Variants in NRG3 observed in about 807,000 individuals in gnomAD.
NRG3 encodes the protein pro-neuregulin-3, membrane-bound isoform.
In NRG3, 31 loss-of-function variants were observed where a neutral mutation model predicts 66.9. The ratio of observed to expected loss-of-function variants is 0.46; its 90% CI spans 0.35 to 0.63. The LOEUF (loss-of-function observed/expected upper bound fraction) is 0.63, where lower values mean the gene tolerates loss of function less well. NRG3 is among the 20% of genes least tolerant of loss of function. The pLI, the probability that NRG3 is intolerant of heterozygous loss-of-function variation, is 0.00. For missense variants in NRG3, 910 were observed against 878.9 expected, an observed-to-expected ratio of 1.04 and a Z score of -0.45; for synonymous variants, 393 against 359.4, an observed-to-expected ratio of 1.09 and a Z score of -1.06.
At chr10:81,990,330 A>G (rs539916501) in intron 1 of NRG3, among the ~76,000 whole-genome samples, 4 of 152,326 alleles carry the variant, frequency 2.6e-5, no homozygotes, top group South Asian at 2.1e-4. Context: ...ATTTGAAGAT[A>G]AATCTAAAAG....
chr10:82,263,785 T>G (rs923864604), intron 1 of NRG3, among the ~76,000 whole-genome samples: 7 of 152,198 alleles, frequency 4.6e-5, no homozygotes, highest in African/African-American at 1.7e-4. Context: ...AGCACTAGTA[T>G]TCACAAGCCA....
chr10:81,879,962 T>C (rs1842031964), intron 1 of NRG3, among the ~76,000 whole-genome samples: 1 of 152,192 alleles, frequency 6.6e-6, no homozygotes, highest in African/African-American at 2.4e-5. Flanking sequence ...CAATCATGCA[T>C]GGTAGCCAAA....
chr10:81,973,956 G>A (rs1041761474), intron 1 of NRG3, among the ~76,000 whole-genome samples: 1 of 151,992 alleles, frequency 6.6e-6, no homozygotes, highest in Non-Finnish European at 1.5e-5. Flanking sequence ...AATTGCTTTT[G>A]GCATCTTCCT....
In NRG3 at chr10:82,082,393, A is replaced by T. The variant is rs138185197; in HGVS notation, c.823+206230A>T. ...CATTATTTTCAATTGAGAAAATTAA[A>T]GTCCACTGAGGTGTAGTCAATTGCC... On this transcript the variant is annotated intron_variant, in intron 1 of 8. Transcript: ENST00000372141. Among the ~76,000 whole-genome samples the T allele has an allele frequency of 2.6e-5, 4 of 152,338 alleles. No individual in the cohort carries two copies. In the East Asian group the frequency reaches 7.7e-4, roughly 29 times the overall value.
At chr10:82,857,751 G>A (rs993314988) in intron 3 of NRG3, among the ~76,000 whole-genome samples, 3 of 152,078 alleles carry the variant, frequency 2.0e-5, no homozygotes, top group African/African-American at 7.2e-5. Context: ...TATTTGTGAA[G>A]ATGTATAAAT....
intron 1 of NRG3, among the ~76,000 whole-genome samples, chr10:82,034,816 A>T (rs1179392770): frequency 6.6e-6 from 1 of 151,898 alleles, no homozygotes; most frequent in Non-Finnish European, 1.5e-5. Context: ...GCTCAGTGAG[A>T]GCAGAGGCTC....
rs574679202 is a variant in NRG3, at chr10:82,166,097, A to G, written c.824-192642A>G. Among the ~76,000 whole-genome samples, 109 of 152,166 alleles carry G rather than the reference A, an allele frequency of 7.2e-4. 4 individuals carry two copies. In the South Asian group the frequency reaches 0.021, roughly 29 times the overall value. The stretch of plus-strand genomic sequence containing the variant: ...GAGTGCAACAGCGCGATCTCAGCTC[A>G]CCACAACCTCCGCCTCCCAGGTTCA... On this transcript the variant is annotated intron_variant, in intron 1 of 8. Coordinates refer to ENST00000372141, the MANE Select transcript of NRG3 (RefSeq NM_001010848.4).
rs952964513 is a variant in NRG3, at chr10:82,266,712, C to T, written c.824-92027C>T. Among the ~76,000 whole-genome samples the T allele has an allele frequency of 5.9e-5, 9 of 152,274 alleles. No individual in the cohort carries two copies. In the East Asian group the frequency reaches 1.7e-3, roughly 29 times the overall value. On this transcript the variant is annotated intron_variant, in intron 1 of 8. Transcript: ENST00000372141. ...TTGCAACATCAGATCTTCAGCTGTG[C>T]AGCCAGTCAGCACACAGAAGCTAAG... is the stretch of plus-strand genomic sequence containing the variant.
chr10:82,528,979 T>G (rs1846994099), intron 2 of NRG3, among the ~76,000 whole-genome samples: 1 of 152,196 alleles, frequency 6.6e-6, no homozygotes. Flanking sequence ...GTAATAAAAT[T>G]GTCATTAATA....
intron 2 of NRG3, among the ~76,000 whole-genome samples, chr10:82,555,152 A>G (rs951280382): frequency 6.6e-6 from 1 of 152,200 alleles, no homozygotes; most frequent in Non-Finnish European, 1.5e-5. Flanking sequence ...TACTCATGAG[A>G]ACAAAGATCC....
intron 1 of NRG3, among the ~76,000 whole-genome samples, chr10:82,266,944 G>A (rs2078331202): frequency 6.6e-6 from 1 of 152,110 alleles, no homozygotes; most frequent in South Asian, 2.1e-4. Flanking sequence ...AGAGTCTAGG[G>A]GAGTGATTCC....
At chr10:82,064,305 G>A (rs1384257119) in intron 1 of NRG3, among the ~76,000 whole-genome samples, 1 of 151,920 alleles carries the variant, frequency 6.6e-6, no homozygotes, top group Non-Finnish European at 1.5e-5. Flanking sequence ...GGCTCTCATG[G>A]AGATCCATTT....
chr10:82,199,872 G>A (rs927929113), intron 1 of NRG3, among the ~76,000 whole-genome samples: 2 of 117,236 alleles, frequency 1.7e-5, no homozygotes, highest in African/African-American at 6.5e-5. Context: ...TTGAGAGTGT[G>A]CATGTGTGTG....
At chr10:82,410,994 A>G (rs919928629) in intron 2 of NRG3, among the ~76,000 whole-genome samples, 9 of 152,146 alleles carry the variant, frequency 5.9e-5, no homozygotes, top group African/African-American at 1.9e-4. Flanking sequence ...CTGTATTTCA[A>G]AGAATTTACA....
At chr10:82,470,882 A>G (rs1489576234) in intron 2 of NRG3, among the ~76,000 whole-genome samples, 1 of 152,160 alleles carries the variant, frequency 6.6e-6, no homozygotes, top group Admixed American at 6.6e-5. Context: ...CAGCCTTATC[A>G]GGGACCTCTG....
At chr10:82,818,880 G>A (rs940183160) in intron 3 of NRG3, among the ~76,000 whole-genome samples, 1 of 152,102 alleles carries the variant, frequency 6.6e-6, no homozygotes, top group Non-Finnish European at 1.5e-5. Context: ...ACATTTGATT[G>A]TCCATACAAT....
intron 1 of NRG3, among the ~76,000 whole-genome samples, chr10:81,921,808 G>A (rs1452438427): frequency 6.6e-6 from 1 of 152,026 alleles, no homozygotes; most frequent in East Asian, 1.9e-4. Flanking sequence ...AGACTTATTT[G>A]TTGGAACTCC....
At chr10:82,978,236 T>C (rs1269679675) in intron 7 of NRG3, among the ~76,000 whole-genome samples, 1 of 152,194 alleles carries the variant, frequency 6.6e-6, no homozygotes, top group African/African-American at 2.4e-5. Context: ...ATAATCTATG[T>C]AGGAATTCTC....
At chr10:81,941,870 T>C (rs1444117559) in intron 1 of NRG3, among the ~76,000 whole-genome samples, 1 of 152,134 alleles carries the variant, frequency 6.6e-6, no homozygotes, top group African/African-American at 2.4e-5. Flanking sequence ...TTTTTACATA[T>C]TGAACTTCTG....
Sources: gnomAD v4.1 joint callset for allele counts (sites outside exome capture counted in the v4.1 genomes callset) on GRCh38, gnomAD v4.1.1 for gene constraint, MANE v1.5 for transcripts, NCBI Gene and HGNC (gene_info 2026-07-23, HGNC 2026-07-21) for gene names.